HHIPL2: variants seen among roughly 807,000 people sequenced by gnomAD.
HHIPL2 encodes the protein HHIP-like protein 2.
Under a neutral mutation model 61.0 loss-of-function variants are expected in HHIPL2, and 61 were observed. That is an observed-to-expected ratio of 1.00 (90% CI 0.81 to 1.24). The LOEUF (loss-of-function observed/expected upper bound fraction) is 1.24. HHIPL2 is among the 50% of genes most tolerant of loss of function. HHIPL2 has a pLI of 0.00. For synonymous variants in HHIPL2, 343 were observed against 357.4 expected, an observed-to-expected ratio of 0.96 and a Z score of 0.45; for missense variants, 885 against 910.2, an observed-to-expected ratio of 0.97 and a Z score of 0.36.
chr1:222,522,833 G>A lies in HHIPL2; in HGVS notation c.1943C>T (p.Ser648Phe), dbSNP rs138250103. The A allele has an allele frequency of 1.2e-6, 2 of 1,614,076 alleles. No individual in the cohort carries two copies. Among genetic ancestry groups the A allele is most frequent in the Admixed American group, 1.7e-5 (1 of 59,998 alleles). ...TGGGCCAGAAGCTAAGGTTGCACTG[G>A]AAGATTTTCTAGCAGCTTTCTCTGA... ...EQSEKAARKS[S>F]SATLASGPAQ... Residue 648 changes from serine (S) to phenylalanine (F), a missense_variant, in exon 9 of 9, where the codon TCC (serine) becomes TTC (phenylalanine). Transcript: ENST00000343410.
intron 4 of HHIPL2, 107 bp from the exon 5 acceptor site, chr1:222,538,881 C>A: frequency 8.8e-7 from 1 of 1,142,398 alleles, no homozygotes; most frequent in Non-Finnish European, 1.3e-6. Context: ...GTAAAGAACA[C>A]TTTACCTCTT....
In HHIPL2 at chr1:222,547,707, A is replaced by T. The variant is rs373035558; in HGVS notation, c.321+17T>A. 5.0e-6 allele frequency: 8 copies of T among 1,604,168 alleles called. No homozygotes were observed. In the African/African-American group the frequency reaches 9.4e-5, roughly 19 times the overall value. On this transcript the variant is annotated intron_variant, in intron 1 of 8. Transcript: ENST00000343410. ...CCAGCACCCAAACCCCTGGGGCTGG[A>T]AGGCACTTTTCACTACCTGGCAAAG...
chr1:222,545,892 A>T (rs911997707), intron 1 of HHIPL2, among the ~76,000 whole-genome samples: 125 of 151,960 alleles, frequency 8.2e-4, no homozygotes, highest in African/African-American at 2.9e-3. Context: ...TTAAAAAAAT[A>T]AAAAAACCCA....
At chr1:222,531,616 C>T (rs1364799725) in intron 6 of HHIPL2, among the ~76,000 whole-genome samples, 8 of 152,030 alleles carry the variant, frequency 5.3e-5, no homozygotes, top group East Asian at 1.9e-4. Context: ...GGCATGGTGG[C>T]GGGCGCCTGT....
chr1:222,533,924 G>T (rs1368076497), intron 5 of HHIPL2, among the ~76,000 whole-genome samples: 1 of 152,188 alleles, frequency 6.6e-6, no homozygotes, highest in Non-Finnish European at 1.5e-5. Flanking sequence ...AGCTGCAAAA[G>T]GTTCCCCTGA....
In HHIPL2 at chr1:222,540,012, A is replaced by G. The variant is rs763105523; in HGVS notation, c.1448T>C (p.Leu483Ser). Residue 483 changes from leucine to serine, a missense_variant and splice_region_variant, in exon 4 of 9, where the codon TTG (leucine) becomes TCG (serine). Leu to Ser is a moderately radical substitution (Grantham distance 145). Coordinates refer to ENST00000343410, the MANE Select transcript of HHIPL2 (RefSeq NM_024746.4). Reference sequence around the variant, plus strand: ...CACCCAGAGAGCTTCTTACTTACCCAAAGAGGCATTGTGACAAAGTTTTTT... The same window carrying G: ...CACCCAGAGAGCTTCTTACTTACCCGAAGAGGCATTGTGACAAAGTTTTTT... Reference protein sequence around the residue: ...YDKKLCHNASLDDVLPIYAYG... With the variant: ...YDKKLCHNASSDDVLPIYAYG... 1 of 1,613,004 alleles carries G rather than the reference A, an allele frequency of 6.2e-7. No individual in the cohort carries two copies. The highest frequency in any genetic ancestry group is 8.5e-7 in the Non-Finnish European group (1 of 1,179,102).
chr1:222,529,759 G>A (rs927211617), intron 6 of HHIPL2, among the ~76,000 whole-genome samples: 5 of 152,106 alleles, frequency 3.3e-5, no homozygotes, highest in South Asian at 2.1e-4. Flanking sequence ...TTAAACCTCA[G>A]CAATGGGCAG....
Position 222,546,835 on chromosome 1 carries a change from G to T in HHIPL2, c.321+889C>A, listed in dbSNP as rs117604250. On this transcript the variant is annotated intron_variant, in intron 1 of 8. Coordinates refer to ENST00000343410, the MANE Select transcript of HHIPL2 (RefSeq NM_024746.4). Reference sequence around the variant, plus strand: ...ACAGTGGTCTGCAGGCTCAGGAACAGTGGCGCCAGGAGTCATGAACAGATG... The same window carrying T: ...ACAGTGGTCTGCAGGCTCAGGAACATTGGCGCCAGGAGTCATGAACAGATG... Among the ~76,000 whole-genome samples, 20 of 152,338 alleles carry T rather than the reference G, an allele frequency of 1.3e-4. No homozygotes were observed. The South Asian group carries it at 3.9e-3, about 30-fold the overall frequency.
intron 7 of HHIPL2, 74 bp from the exon 8 acceptor site, chr1:222,523,768 G>A (rs1659005288): frequency 4.3e-6 from 6 of 1,401,944 alleles, no homozygotes; most frequent in Non-Finnish European, 6.1e-6. Flanking sequence ...TTACCAGAGG[G>A]CGTATATTTG....
chr1:222,522,544 T>C lies in HHIPL2; in HGVS notation c.*57A>G. The C allele has an allele frequency of 1.3e-6, 2 of 1,561,738 alleles. No homozygotes were observed. Among genetic ancestry groups the C allele is most frequent in the South Asian group, 2.3e-5 (2 of 87,906 alleles). On this transcript the variant is annotated 3_prime_UTR_variant, in exon 9 of 9. Transcript: ENST00000343410. ...GGTCTTTATTCAGCAGTGACTTTCA[T>C]TTGATGAGGTGGCTCTCCTCTCTCA...
intron 5 of HHIPL2, among the ~76,000 whole-genome samples, chr1:222,533,051 T>C (rs1659225821): frequency 6.6e-6 from 1 of 152,208 alleles, no homozygotes; most frequent in South Asian, 2.1e-4. Flanking sequence ...GGGATTTTGA[T>C]AAGTACACCT....
At chr1:222,539,527 T>TAAAAAAAAAAAAAAAAAA (rs10537670) in intron 4 of HHIPL2, among the ~76,000 whole-genome samples, 1 of 85,192 alleles carries the variant, frequency 1.2e-5, no homozygotes, top group Non-Finnish European at 2.4e-5. Flanking sequence ...AGACTCTGTC[T>TAAAAAAAAAAAAAAAAAA]AAAAAAAAAA....
chr1:222,523,745 CGG>C, intron 7 of HHIPL2, 51 bp from the exon 8 acceptor site: 1 of 1,578,180 alleles, frequency 6.3e-7, no homozygotes, highest in Non-Finnish European at 8.7e-7. Context: ...AAGATGCAAC[CGG>C]AAAATCAAGG....
intron 1 of HHIPL2, among the ~76,000 whole-genome samples, chr1:222,545,617 A>G (rs1478990514): frequency 6.6e-6 from 1 of 152,186 alleles, no homozygotes; most frequent in African/African-American, 2.4e-5. Context: ...CTGTGGAAAG[A>G]GAACCATCAC....
intron 5 of HHIPL2, among the ~76,000 whole-genome samples, chr1:222,535,634 T>A (rs1007362599): frequency 6.6e-6 from 1 of 152,158 alleles, no homozygotes. Context: ...CCTTGACTCA[T>A]GGCCCCACAT....
intron 1 of HHIPL2, 34 bp downstream of exon 1, chr1:222,547,690 C>A (rs137934221): frequency 3.7e-4 from 587 of 1,579,046 alleles, no homozygotes; most frequent in Non-Finnish European, 4.3e-4. Context: ...GCCCAGCACC[C>A]AAACCCCTGG....
Position 222,540,348 on chromosome 1 carries a change from G to C in HHIPL2, c.1119-7C>G. ...TTTTCCCAGCAGGGAACTTCTGAAAGAAAGAAGGCCAAGAAGCAGAATGAG... is the reference window on the plus strand; with the variant it reads ...TTTTCCCAGCAGGGAACTTCTGAAACAAAGAAGGCCAAGAAGCAGAATGAG... On this transcript the variant is annotated splice_polypyrimidine_tract_variant and splice_region_variant and intron_variant, in intron 3 of 8. Coordinates refer to ENST00000343410, the MANE Select transcript of HHIPL2 (RefSeq NM_024746.4). The C allele has an allele frequency of 3.8e-6, 6 of 1,596,258 alleles. No individual in the cohort carries two copies. The South Asian group carries it at 6.8e-5, about 18-fold the overall frequency.
intron 7 of HHIPL2, chr1:222,525,153 G>A (rs1335922451): frequency 6.6e-6 from 1 of 152,154 alleles, no homozygotes; most frequent in Non-Finnish European, 1.5e-5. Context: ...GGTGCTTTCT[G>A]TGTGGCTTCT....
intron 7 of HHIPL2, 119 bp downstream of exon 7, chr1:222,526,850 A>C (rs1659077226): frequency 1.4e-6 from 1 of 736,666 alleles, no homozygotes; most frequent in East Asian, 2.7e-5. Context: ...ATTTGTCCAA[A>C]CTGCTTTTCA....
Sources: allele counts gnomAD v4.1 joint callset (sites outside exome capture counted in the v4.1 genomes callset), GRCh38; gene constraint gnomAD v4.1.1; transcripts MANE v1.5; gene names NCBI Gene and HGNC (gene_info 2026-07-23, HGNC 2026-07-21).